Variants in CEP85L observed in about 807,000 individuals in gnomAD.
The protein encoded by CEP85L is centrosomal protein of 85 kDa-like.
CEP85L carries 60 observed loss-of-function variants against 100.3 expected under a neutral mutation model. The ratio of observed to expected loss-of-function variants is 0.60; its 90% confidence interval spans 0.49 to 0.74. The LOEUF (loss-of-function observed/expected upper bound fraction) is 0.74, where lower values mean the gene tolerates loss of function less well. CEP85L is among the 30% of genes least tolerant of loss of function. CEP85L has a pLI of 0.00. For synonymous variants in CEP85L, 319 were observed against 322.7 expected (o/e 0.99, Z 0.12); for missense variants, 973 against 936.2 (o/e 1.04, Z -0.51).
intron 6 of CEP85L, among the ~76,000 whole-genome samples, chr6:118,485,361 T>C (rs1229352246): frequency 6.6e-6 from 1 of 151,956 alleles, no homozygotes; most frequent in Admixed American, 6.6e-5. Flanking sequence ...CTAGTTTCTT[T>C]CATGTATTTT....
intron 5 of CEP85L, among the ~76,000 whole-genome samples, chr6:118,500,341 T>A (rs1775201594): frequency 7.7e-6 from 1 of 129,972 alleles, no homozygotes; most frequent in Non-Finnish European, 1.7e-5. Flanking sequence ...AAACTATTTA[T>A]CATGAACGCA....
chr6:118,606,675 G>A (rs952161338), intron 2 of CEP85L, among the ~76,000 whole-genome samples: 1 of 152,186 alleles, frequency 6.6e-6, no homozygotes, highest in Non-Finnish European at 1.5e-5. Context: ...ATTTGTGTTT[G>A]TTTCAGAGAC....
At chr6:118,566,454 G>A (rs1265254900) in intron 2 of CEP85L, 138 bp from the exon 3 acceptor site, 1 of 765,840 alleles carries the variant, frequency 1.3e-6, no homozygotes, top group East Asian at 2.7e-5. Flanking sequence ...GTTTTAGCTT[G>A]TTGCCTAGGC....
chr6:118,524,704 T>C (rs1349836952), intron 3 of CEP85L, among the ~76,000 whole-genome samples: 1 of 152,208 alleles, frequency 6.6e-6, no homozygotes, highest in South Asian at 2.1e-4. Flanking sequence ...ACAAATATTT[T>C]CACTCAGTAG....
chr6:118,705,914 C>T (rs969074232), intron 1 of CEP85L, among the ~76,000 whole-genome samples: 3 of 152,232 alleles, frequency 2.0e-5, no homozygotes, highest in African/African-American at 7.2e-5. Flanking sequence ...CTTTCTCTGA[C>T]CTCTTGCATT....
intron 1 of CEP85L, among the ~76,000 whole-genome samples, chr6:118,645,448 G>T (rs1036359290): frequency 4.6e-5 from 7 of 152,226 alleles, no homozygotes; most frequent in African/African-American, 1.7e-4. Flanking sequence ...CCAGGCAGGA[G>T]ATCACTTGAG....
intron 1 of CEP85L, among the ~76,000 whole-genome samples, chr6:118,693,208 G>C (rs911694949): frequency 2.0e-5 from 3 of 152,176 alleles, no homozygotes; most frequent in Admixed American, 1.3e-4. Context: ...GTACAGTGAA[G>C]GGCTAGCACC....
chr6:118,547,375 T>C (rs1483584673), intron 3 of CEP85L, among the ~76,000 whole-genome samples: 1 of 152,158 alleles, frequency 6.6e-6, no homozygotes, highest in East Asian at 1.9e-4. Flanking sequence ...ACTGCTAGAT[T>C]AAATGAGGCA....
chr6:118,634,841 AT>A (rs1018238047), intron 1 of CEP85L, among the ~76,000 whole-genome samples: 4 of 151,702 alleles, frequency 2.6e-5, no homozygotes, highest in African/African-American at 9.7e-5. Flanking sequence ...CTGGATAATT[AT>A]TTTTTTTTAA....
chr6:118,603,692 G>A (rs891318118), intron 2 of CEP85L, among the ~76,000 whole-genome samples: 4 of 152,190 alleles, frequency 2.6e-5, no homozygotes, highest in African/African-American at 4.8e-5. Context: ...AGTCCATGTC[G>A]TTATCTTCTG....
intron 1 of CEP85L, among the ~76,000 whole-genome samples, chr6:118,691,037 G>A (rs1267357427): frequency 6.6e-6 from 1 of 151,596 alleles, no homozygotes; most frequent in Non-Finnish European, 1.5e-5. Flanking sequence ...GAAAGAGAAA[G>A]ATAAAAAGAA....
intron 3 of CEP85L, chr6:118,559,831 GT>G (rs1779118606): frequency 6.0e-6 from 1 of 167,100 alleles, no homozygotes; most frequent in African/African-American, 2.4e-5. Flanking sequence ...ATGAGAACTG[GT>G]GGTTAATATG....
chr6:118,615,725 A>C (rs1184856255), intron 2 of CEP85L, among the ~76,000 whole-genome samples: 3 of 152,190 alleles, frequency 2.0e-5, no homozygotes, highest in African/African-American at 4.8e-5. Context: ...GTCATCCATG[A>C]GGGCAGTCAA....
At chr6:118,620,597 C>T (rs1199043511) in intron 2 of CEP85L, among the ~76,000 whole-genome samples, 10 of 152,328 alleles carry the variant, frequency 6.6e-5, no homozygotes, top group East Asian at 5.8e-4. Flanking sequence ...CAGAAGCCCC[C>T]AGCCAGATGA....
At chr6:118,647,654 G>A (rs184279092) in intron 1 of CEP85L, among the ~76,000 whole-genome samples, 17 of 152,252 alleles carry the variant, frequency 1.1e-4, no homozygotes, top group South Asian at 4.2e-4. Context: ...GAGCCACTGC[G>A]CCTGGCTTAT....
intron 3 of CEP85L, among the ~76,000 whole-genome samples, chr6:118,528,832 ATCATATTGTGAAGTC>A (rs912719765): frequency 6.6e-6 from 1 of 152,204 alleles, no homozygotes; most frequent in Admixed American, 6.5e-5. Context: ...GAATAAAAAA[ATCATATTGTGAAGTC>A]TCAAACAGCA....
At chr6:118,492,771 TCATACA>T (rs781755550) in intron 5 of CEP85L, among the ~76,000 whole-genome samples, 2 of 152,110 alleles carry the variant, frequency 1.3e-5, no homozygotes, top group Non-Finnish European at 2.9e-5. Context: ...GTTTAATGTG[TCATACA>T]CAAAAAGACC....
intron 2 of CEP85L, among the ~76,000 whole-genome samples, chr6:118,605,355 C>T (rs1260600732): frequency 6.6e-6 from 1 of 152,136 alleles, no homozygotes. Context: ...GGGATGTTTC[C>T]TTATCTTCCA....
intron 10 of CEP85L, among the ~76,000 whole-genome samples, chr6:118,472,893 G>A (rs565662819): frequency 1.3e-5 from 2 of 152,304 alleles, no homozygotes; most frequent in Non-Finnish European, 2.9e-5. Flanking sequence ...CATGTTTGAA[G>A]TTGAACAGTG....
Sources: gnomAD v4.1 joint callset for allele counts (sites outside exome capture counted in the v4.1 genomes callset) on GRCh38, gnomAD v4.1.1 for gene constraint, MANE v1.5 for transcripts, NCBI Gene and HGNC (gene_info 2026-07-23, HGNC 2026-07-21) for gene names.